The following MAPK10 variants were observed in gnomAD, a reference collection of about 807,000 sequenced individuals.
The protein encoded by MAPK10 is mitogen-activated protein kinase 10, also known as JNK3 alpha protein kinase.
Under a neutral mutation model 59.3 loss-of-function variants are expected in MAPK10, and 25 were observed. The observed-to-expected ratio is 0.42, with a 90% CI of 0.31 to 0.59. The LOEUF (loss-of-function observed/expected upper bound fraction) is 0.59. Among genes scored for constraint, MAPK10 ranks in the 20% least tolerant of loss-of-function variants. The pLI, the probability that MAPK10 is intolerant of heterozygous loss-of-function variation, is 0.15. For synonymous variants in MAPK10, 190 were observed against 200.5 expected (o/e 0.95, Z 0.44); for missense variants, 351 against 568.9 (o/e 0.62, Z 3.90).
intron 2 of MAPK10, among the ~76,000 whole-genome samples, chr4:86,329,395 TTTA>T (rs1484403342): frequency 1.3e-5 from 2 of 152,206 alleles, no homozygotes; most frequent in Non-Finnish European, 2.9e-5. Flanking sequence ...TTTTTATATT[TTTA>T]TTATTATAGA....
chr4:86,354,043 C>T (rs1319622143), intron 2 of MAPK10, among the ~76,000 whole-genome samples: 3 of 152,004 alleles, frequency 2.0e-5, no homozygotes, highest in East Asian at 1.9e-4. Context: ...GGCTAAAATG[C>T]CCATGAATTG....
chr4:86,279,252 G>A (rs529599678), intron 2 of MAPK10, among the ~76,000 whole-genome samples: 7 of 152,184 alleles, frequency 4.6e-5, no homozygotes, highest in African/African-American at 9.6e-5. Flanking sequence ...TTTGATGGCC[G>A]TCTTATTGAT....
intron 2 of MAPK10, among the ~76,000 whole-genome samples, chr4:86,283,916 G>A (rs2094910808): frequency 6.6e-6 from 1 of 152,122 alleles, no homozygotes; most frequent in African/African-American, 2.4e-5. Flanking sequence ...GTGGGAAAAG[G>A]GGGGTTTTCA....
At chr4:86,169,144 A>C (rs28830848) in intron 3 of MAPK10, among the ~76,000 whole-genome samples, 2,842 of 152,274 alleles carry the variant, frequency 0.019, 94 homozygotes, top group African/African-American at 0.065. Flanking sequence ...GGAAACTCTA[A>C]AAAGCAGAGC....
chr4:86,103,412 C>G (rs945450040), intron 5 of MAPK10, among the ~76,000 whole-genome samples, 168 bp from the exon 6 acceptor site: 1 of 152,070 alleles, frequency 6.6e-6, no homozygotes, highest in Non-Finnish European at 1.5e-5. Flanking sequence ...AAAGTATGCT[C>G]AGAAAGAACA....
chr4:86,071,295 C>T (rs893407790), intron 9 of MAPK10, among the ~76,000 whole-genome samples: 2 of 146,968 alleles, frequency 1.4e-5, no homozygotes, highest in South Asian at 4.3e-4. Context: ...GATATTAGCC[C>T]TTTGTCAGAT....
At position 86,532,473 on chromosome 4, in the gene MAPK10, A is replaced by C. The variant is rs556104296; in HGVS notation, c.-263+61437T>G. Among the ~76,000 whole-genome samples, 6 of 152,292 alleles carry C rather than the reference A, an allele frequency of 3.9e-5. No homozygotes were observed. The South Asian group carries it at 1.2e-3, about 32-fold the overall frequency. ...CTCCTTCTGCATTCCATAAAGCCCC[A>C]ACCAAACTGGTCTACTTAGGTCCAA... On this transcript the variant is annotated intron_variant, in intron 1 of 4. Coordinates refer to the MAPK10 transcript ENST00000502302.
At chr4:86,350,291 T>G (rs543021605) in intron 2 of MAPK10, among the ~76,000 whole-genome samples, 1 of 151,960 alleles carries the variant, frequency 6.6e-6, no homozygotes. Context: ...CGCGGCTCAC[T>G]GCAACCTCTG....
intron 1 of MAPK10, among the ~76,000 whole-genome samples, chr4:86,593,056 C>T (rs1763196546): frequency 6.6e-6 from 1 of 152,184 alleles, no homozygotes; most frequent in African/African-American, 2.4e-5. Flanking sequence ...ACTTGTAAGG[C>T]ATATTTGACT....
At chr4:86,356,446 T>C in intron 1 of MAPK10, 1 of 754,198 alleles carries the variant, frequency 1.3e-6, no homozygotes, top group Non-Finnish European at 1.6e-6. Flanking sequence ...TTATATTTAG[T>C]GATTTTCAAT....
At position 86,074,049 on chromosome 4, in the gene MAPK10, C is replaced by G. The variant is rs1178527437; in HGVS notation, c.803-6094G>C. On this transcript the variant is annotated intron_variant, in intron 9 of 13. Transcript: ENST00000641462. ...AGTCTAAGTCTCTTTGTAGGTCACT[C>G]AGGACTTGCTTTATGAATCTGGGTG... Among the ~76,000 whole-genome samples, 149 of 97,904 alleles carry G rather than the reference C, an allele frequency of 1.5e-3. 4 individuals are homozygous for G. The Middle Eastern group carries it at 0.027, about 17-fold the overall frequency. 64.2% of individuals were successfully genotyped at this position (97,904 alleles called of 152,430 possible).
intron 1 of MAPK10, among the ~76,000 whole-genome samples, chr4:86,433,663 C>A (rs766645606): frequency 6.6e-5 from 10 of 151,186 alleles, no homozygotes; most frequent in Non-Finnish European, 1.5e-4. Flanking sequence ...CTCAGCCTCC[C>A]AAGCTGCTGG....
intron 13 of MAPK10, among the ~76,000 whole-genome samples, chr4:86,021,793 G>A (rs1048442218): frequency 7.2e-5 from 11 of 152,254 alleles, no homozygotes; most frequent in Admixed American, 2.6e-4. Context: ...CGAGCACAGC[G>A]CCGGTGGGCC....
chr4:86,216,886 A>T (rs1243836481), intron 2 of MAPK10, among the ~76,000 whole-genome samples: 2 of 152,156 alleles, frequency 1.3e-5, no homozygotes, highest in Non-Finnish European at 2.9e-5. Context: ...TTTTATGTAT[A>T]TTTGTTTCAT....
intron 1 of MAPK10, among the ~76,000 whole-genome samples, chr4:86,523,713 C>G (rs1288156589): frequency 1.3e-5 from 2 of 152,166 alleles, no homozygotes; most frequent in African/African-American, 4.8e-5. Flanking sequence ...AAAATCTACC[C>G]CTACTTTCCA....
intron 2 of MAPK10, among the ~76,000 whole-genome samples, chr4:86,213,239 A>G (rs2086380337): frequency 6.6e-6 from 1 of 152,118 alleles, no homozygotes; most frequent in Non-Finnish European, 1.5e-5. Flanking sequence ...AAATGCTTAC[A>G]ATACAAAAGA....
chr4:86,188,650 G>A (rs1425487186), intron 3 of MAPK10, among the ~76,000 whole-genome samples: 1 of 152,016 alleles, frequency 6.6e-6, no homozygotes, highest in Admixed American at 6.6e-5. Context: ...TTAGCCCTTT[G>A]TCAGATGGAT....
At chr4:86,437,539 C>A (rs1748912447) in intron 1 of MAPK10, among the ~76,000 whole-genome samples, 1 of 152,056 alleles carries the variant, frequency 6.6e-6, no homozygotes, top group South Asian at 2.1e-4. Context: ...GATTTTATGT[C>A]TATGAGAAAG....
intron 4 of MAPK10, among the ~76,000 whole-genome samples, chr4:86,158,066 G>T (rs2149225299): frequency 6.6e-6 from 1 of 152,068 alleles, no homozygotes; most frequent in Admixed American, 6.6e-5. Flanking sequence ...GAGAGTTACA[G>T]CAATTGTCTT....
Sources: gnomAD v4.1 joint callset for allele counts (sites outside exome capture counted in the v4.1 genomes callset) on GRCh38, gnomAD v4.1.1 for gene constraint, MANE v1.5 for transcripts, NCBI Gene and HGNC (gene_info 2026-07-23, HGNC 2026-07-21) for gene names.